Variants in CCDC12 observed in about 807,000 individuals in gnomAD.
CCDC12 encodes coiled-coil domain-containing protein 12.
CCDC12 carries 28 observed loss-of-function variants against 25.7 expected under a neutral mutation model. That is an observed-to-expected ratio of 1.09 (90% CI 0.81 to 1.50). CCDC12 has a LOEUF of 1.50. CCDC12 is among the 40% of genes most tolerant of loss of function. The pLI is 0.00. For missense variants in CCDC12, 198 were observed against 210.0 expected, an observed-to-expected ratio of 0.94 and a Z score of 0.35; for synonymous variants, 75 against 87.7, an observed-to-expected ratio of 0.86 and a Z score of 0.81.
chr3:46,925,967 G>A (rs1052683744), intron 2 of CCDC12, among the ~76,000 whole-genome samples: 2 of 152,258 alleles, frequency 1.3e-5, no homozygotes, highest in African/African-American at 4.8e-5. Context: ...AAGCTCCTAG[G>A]CTGAGTGATT....
At chr3:46,974,682 G>A (rs115275770) in intron 1 of CCDC12, among the ~76,000 whole-genome samples, 1 of 152,236 alleles carries the variant, frequency 6.6e-6, no homozygotes, top group African/African-American at 2.4e-5. Flanking sequence ...CTGCCATGCA[G>A]TAAGGAAAAT....
In CCDC12 at chr3:46,941,071, A is replaced by G; in HGVS notation, c.97-6T>C. ...GGCTCCCCATCTTCCTTGTCCTGCA[A>G]AGAAAGGGAGAAAACCACCAGCTCA... On this transcript the variant is annotated splice_polypyrimidine_tract_variant and splice_region_variant and intron_variant, in intron 1 of 6. Coordinates refer to ENST00000683445, the MANE Select transcript of CCDC12 (RefSeq NM_001277074.2). 1 of 1,614,122 alleles carries G rather than the reference A, an allele frequency of 6.2e-7. No individual in the cohort carries two copies. The highest frequency in any genetic ancestry group is 8.5e-7 in the Non-Finnish European group (1 of 1,179,984).
At chr3:46,951,823 AC>A (rs1252645520) in intron 1 of CCDC12, among the ~76,000 whole-genome samples, 2,032 of 40,150 alleles carry the variant, frequency 0.051, 450 homozygotes, top group East Asian at 0.093. Flanking sequence ...ATATATATAT[AC>A]TTAATGAGGA....
Position 46,929,347 on chromosome 3 carries a change from T to C in CCDC12, c.165-3812A>G, listed in dbSNP as rs116186459. On this transcript the variant is annotated intron_variant, in intron 2 of 6. Transcript: ENST00000683445. The stretch of plus-strand genomic sequence containing the variant: ...AAAAGGAAAGTCAAGAAACAAATAG[T>C]AGGACAACAGGTTCACACACAAAGC... Among the ~76,000 whole-genome samples the C allele has an allele frequency of 3.9e-3, 593 of 152,230 alleles. 6 individuals are homozygous for C. The highest frequency in any genetic ancestry group is 0.013 in the African/African-American group (531 of 41,538).
intron 1 of CCDC12, among the ~76,000 whole-genome samples, chr3:46,966,531 G>C (rs1316553847): frequency 6.6e-6 from 1 of 151,852 alleles, no homozygotes; most frequent in Non-Finnish European, 1.5e-5. Flanking sequence ...AAAAAAGAAA[G>C]AAAGAAAGAA....
At chr3:46,957,251 T>C (rs1422660891) in intron 1 of CCDC12, among the ~76,000 whole-genome samples, 1 of 152,100 alleles carries the variant, frequency 6.6e-6, no homozygotes, top group East Asian at 1.9e-4. Flanking sequence ...TAAGATTTGA[T>C]TCAAGATTGA....
chr3:46,923,387 C>T (rs2032777384), intron 4 of CCDC12, 24 bp from the exon 5 acceptor site: 1 of 1,524,330 alleles, frequency 6.6e-7, no homozygotes, highest in African/African-American at 1.4e-5. Context: ...AGACACACAT[C>T]AGGGTGGAGG....
chr3:46,948,022 G>A (rs189713043), intron 1 of CCDC12, among the ~76,000 whole-genome samples: 5 of 152,340 alleles, frequency 3.3e-5, no homozygotes, highest in Admixed American at 2.0e-4. Flanking sequence ...AAAAGCCAGC[G>A]GGGCACAGGC....
chr3:46,940,038 C>CCAGAAAGACA (rs2033636231), intron 2 of CCDC12, among the ~76,000 whole-genome samples: 1 of 152,168 alleles, frequency 6.6e-6, no homozygotes, highest in Non-Finnish European at 1.5e-5. Flanking sequence ...GGCAACCTGT[C>CCAGAAAGACA]CAGAAAGACA....
At chr3:46,969,354 G>A (rs1353844501) in intron 1 of CCDC12, among the ~76,000 whole-genome samples, 3 of 152,010 alleles carry the variant, frequency 2.0e-5, no homozygotes, top group East Asian at 3.8e-4. Context: ...TCAGCCTCCC[G>A]AATAGCTGGG....
intron 2 of CCDC12, among the ~76,000 whole-genome samples, chr3:46,934,750 A>G (rs1393449370): frequency 2.0e-5 from 3 of 152,194 alleles, no homozygotes; most frequent in Non-Finnish European, 4.4e-5. Flanking sequence ...AGGAAAAACG[A>G]GGCAGTCGTG....
At chr3:46,941,570 AAAAAAAAAGCAAC>A (rs1336103627) in intron 1 of CCDC12, among the ~76,000 whole-genome samples, 4 of 152,004 alleles carry the variant, frequency 2.6e-5, no homozygotes, top group East Asian at 3.9e-4. Flanking sequence ...ATCTCAAAAA[AAAAAAAAAGCAAC>A]AAAAAAAGTC....
At chr3:46,964,482 T>C (rs1019590868) in intron 1 of CCDC12, among the ~76,000 whole-genome samples, 1 of 152,238 alleles carries the variant, frequency 6.6e-6, no homozygotes. Context: ...CGGGCCATGA[T>C]GACAATGGCG....
At chr3:46,924,975 TG>T (rs2032879755) in intron 3 of CCDC12, 1 of 315,890 alleles carries the variant, frequency 3.2e-6, no homozygotes, top group Non-Finnish European at 6.3e-6. Flanking sequence ...TCCCACGCCA[TG>T]GCAAGAGTCT....
At chr3:46,973,434 G>A (rs528002530) in intron 1 of CCDC12, among the ~76,000 whole-genome samples, 6 of 149,420 alleles carry the variant, frequency 4.0e-5, no homozygotes, top group Non-Finnish European at 8.9e-5. Context: ...GGCGGAGGCT[G>A]CAGTGAGCTG....
chr3:46,922,770 T>C, intron 5 of CCDC12: 1 of 212,272 alleles, frequency 4.7e-6, no homozygotes, highest in Admixed American at 5.2e-5. Context: ...TGCTTTTGTT[T>C]CATCAAATTA....
At chr3:46,959,014 G>T (rs1236955326) in intron 1 of CCDC12, among the ~76,000 whole-genome samples, 1 of 151,688 alleles carries the variant, frequency 6.6e-6, no homozygotes, top group Non-Finnish European at 1.5e-5. Flanking sequence ...TTAACCTCTG[G>T]TCAGCTGCTT....
intron 2 of CCDC12, among the ~76,000 whole-genome samples, chr3:46,939,499 C>G (rs1206616276): frequency 6.6e-6 from 1 of 152,128 alleles, no homozygotes; most frequent in African/African-American, 2.4e-5. Context: ...GTAGTTACCA[C>G]AGAATGGGGG....
At chr3:46,934,781 AGCAGG>A (rs775117112) in intron 2 of CCDC12, among the ~76,000 whole-genome samples, 5 of 151,914 alleles carry the variant, frequency 3.3e-5, no homozygotes, top group Non-Finnish European at 7.4e-5. Flanking sequence ...CTGCTGCTTC[AGCAGG>A]AGATCTCCAC....
Sources: gnomAD v4.1 joint callset for allele counts (sites outside exome capture counted in the v4.1 genomes callset) on GRCh38, gnomAD v4.1.1 for gene constraint, MANE v1.5 for transcripts, NCBI Gene and HGNC (gene_info 2026-07-23, HGNC 2026-07-21) for gene names.